Variants in PTPRM observed in about 807,000 individuals in gnomAD.
PTPRM encodes the protein protein tyrosine phosphatase receptor type M.
Under a neutral mutation model 186.7 loss-of-function variants are expected in PTPRM, and 47 were observed. The ratio of observed to expected loss-of-function variants is 0.25; its 90% confidence interval spans 0.20 to 0.32. The LOEUF (loss-of-function observed/expected upper bound fraction) is 0.32, where lower values mean the gene tolerates loss of function less well. Among genes scored for constraint, PTPRM ranks in the 10% least tolerant of loss-of-function variants. The pLI, the probability that PTPRM is intolerant of heterozygous loss-of-function variation, is 1.00. For missense variants in PTPRM, 1,494 were observed against 1,865.0 expected (o/e 0.80, Z 3.66); for synonymous variants, 668 against 674.9 (o/e 0.99, Z 0.16).
intron 14 of PTPRM, among the ~76,000 whole-genome samples, chr18:8,241,854 G>A (rs1261570301): frequency 1.3e-5 from 2 of 152,192 alleles, no homozygotes; most frequent in Admixed American, 1.3e-4. Context: ...ATGGATATGA[G>A]CTTAATGTTG....
chr18:7,658,228 T>C (rs1181598959), intron 1 of PTPRM, among the ~76,000 whole-genome samples: 1 of 151,474 alleles, frequency 6.6e-6, no homozygotes, highest in African/African-American at 2.4e-5. Context: ...GGTGACTCAA[T>C]TGTAGAAGCT....
intron 2 of PTPRM, among the ~76,000 whole-genome samples, chr18:7,782,606 C>G (rs1233684544): frequency 6.6e-6 from 1 of 152,162 alleles, no homozygotes; most frequent in Non-Finnish European, 1.5e-5. Context: ...TCCTCCTCCC[C>G]CAGCCCTGGC....
At chr18:8,011,290 C>T (rs2084512398) in intron 7 of PTPRM, among the ~76,000 whole-genome samples, 1 of 152,086 alleles carries the variant, frequency 6.6e-6, no homozygotes, top group African/African-American at 2.4e-5. Flanking sequence ...ATATCAATGT[C>T]CCAAATCTCT....
chr18:7,969,535 G>T (rs1338083450), intron 7 of PTPRM, among the ~76,000 whole-genome samples: 1 of 149,614 alleles, frequency 6.7e-6, no homozygotes, highest in Non-Finnish European at 1.5e-5. Context: ...TTTTTGAAAG[G>T]TTCAACAAAA....
chr18:8,392,452 A>G (rs140708278), intron 31 of PTPRM, among the ~76,000 whole-genome samples: 1,713 of 152,080 alleles, frequency 0.011, 32 homozygotes, highest in African/African-American at 0.037. Flanking sequence ...GTGAAACCCC[A>G]TCTCTACTAA....
intron 1 of PTPRM, among the ~76,000 whole-genome samples, chr18:7,698,575 A>G (rs188076398): frequency 4.4e-4 from 67 of 152,342 alleles, no homozygotes; most frequent in Admixed American, 4.4e-3. Flanking sequence ...TTACTGTATC[A>G]GGCTTCTAAG....
intron 4 of PTPRM, among the ~76,000 whole-genome samples, chr18:7,913,720 TATA>T (rs1301807296): frequency 6.6e-6 from 1 of 152,134 alleles, no homozygotes; most frequent in East Asian, 1.9e-4. Flanking sequence ...AATGAAACAT[TATA>T]CGAAGTTACT....
chr18:7,864,703 A>G (rs911462529), intron 2 of PTPRM, among the ~76,000 whole-genome samples: 2 of 152,010 alleles, frequency 1.3e-5, no homozygotes, highest in African/African-American at 2.4e-5. Context: ...TCCATATGAT[A>G]TTTAAAGTAG....
intron 1 of PTPRM, among the ~76,000 whole-genome samples, chr18:7,744,706 C>T (rs2040949316): frequency 6.6e-6 from 1 of 152,040 alleles, no homozygotes. Context: ...AAAATGAGAA[C>T]TGTATTGGAC....
At chr18:8,194,111 CT>C (rs2093743819) in intron 14 of PTPRM, among the ~76,000 whole-genome samples, 1 of 152,216 alleles carries the variant, frequency 6.6e-6, no homozygotes, top group Non-Finnish European at 1.5e-5. Context: ...GTCCTTTAAT[CT>C]TTTCCCCCTT....
intron 23 of PTPRM, among the ~76,000 whole-genome samples, chr18:8,346,841 G>A (rs544389236): frequency 6.6e-6 from 1 of 151,272 alleles, no homozygotes; most frequent in Admixed American, 6.6e-5. Context: ...TGGAAAGCAA[G>A]TTCCTTGAAG....
chr18:7,947,654 C>T (rs1207364359), intron 5 of PTPRM, among the ~76,000 whole-genome samples: 2 of 152,156 alleles, frequency 1.3e-5, no homozygotes, highest in East Asian at 1.9e-4. Flanking sequence ...CTTCCTGTAG[C>T]GTTTCCTATA....
chr18:7,836,007 CT>C (rs2046030507), intron 2 of PTPRM, among the ~76,000 whole-genome samples: 1 of 151,968 alleles, frequency 6.6e-6, no homozygotes, highest in Non-Finnish European at 1.5e-5. Context: ...AAGTATGTTT[CT>C]TGTAGGCAAC....
intron 1 of PTPRM, among the ~76,000 whole-genome samples, chr18:7,581,053 C>G (rs2036832557): frequency 6.6e-6 from 1 of 152,154 alleles, no homozygotes; most frequent in Non-Finnish European, 1.5e-5. Flanking sequence ...CATCAACTTT[C>G]TTTTTTCTGT....
chr18:7,739,293 T>G (rs2040840887), intron 1 of PTPRM, among the ~76,000 whole-genome samples: 1 of 152,164 alleles, frequency 6.6e-6, no homozygotes, highest in South Asian at 2.1e-4. Context: ...GGATCAGCTT[T>G]GATGATTGCT....
intron 8 of PTPRM, among the ~76,000 whole-genome samples, chr18:8,073,629 A>G (rs535084356): frequency 6.6e-6 from 1 of 152,318 alleles, no homozygotes; most frequent in Admixed American, 6.5e-5. Context: ...TTGGCTGGGT[A>G]TAGTAACTCA....
chr18:7,777,969 G>A (rs1383233921), intron 2 of PTPRM, among the ~76,000 whole-genome samples: 1 of 152,104 alleles, frequency 6.6e-6, no homozygotes, highest in Admixed American at 6.6e-5. Context: ...GACAACGTGG[G>A]AAGACCCCAT....
chr18:7,757,487 T>C (rs1220192435), intron 1 of PTPRM, among the ~76,000 whole-genome samples: 2 of 152,206 alleles, frequency 1.3e-5, no homozygotes, highest in Admixed American at 1.3e-4. Flanking sequence ...GAAATGTAAG[T>C]TGGGTATCCT....
chr18:8,260,379 G>A lies in PTPRM; in HGVS notation c.2754+6965G>A, dbSNP rs185179505. On this transcript the variant is annotated intron_variant, in intron 19 of 32. Transcript: ENST00000580170. Reference sequence around the variant, plus strand: ...GAGTCTCACTATGTTGCTGAGGCTCGTCTTGAACTCCTGGACTCAAGTGAT... The same window carrying A: ...GAGTCTCACTATGTTGCTGAGGCTCATCTTGAACTCCTGGACTCAAGTGAT... Among the ~76,000 whole-genome samples, 9 of 152,008 alleles carry A rather than the reference G, an allele frequency of 5.9e-5. No individual in the cohort carries two copies. In the East Asian group the frequency reaches 1.2e-3, roughly 20 times the overall value.
Sources: allele counts gnomAD v4.1 joint callset (sites outside exome capture counted in the v4.1 genomes callset), GRCh38; gene constraint gnomAD v4.1.1; transcripts MANE v1.5; gene names NCBI Gene and HGNC (gene_info 2026-07-23, HGNC 2026-07-21).